The following TOX2 variants were observed in gnomAD, a reference collection of about 807,000 sequenced individuals.
TOX2 encodes granulosa cell HMG box 1.
In TOX2, 15 loss-of-function variants were observed where a neutral mutation model predicts 47.4. That is an observed-to-expected ratio of 0.32 (90% confidence interval 0.21 to 0.49). The LOEUF (loss-of-function observed/expected upper bound fraction) is 0.49. Ranked by LOEUF, TOX2 falls within the 20% of genes least tolerant of loss-of-function variation. The pLI is 0.99. For synonymous variants in TOX2, 290 were observed against 296.6 expected (o/e 0.98, Z 0.23); for missense variants, 622 against 673.1 (o/e 0.92, Z 0.84).
At chr20:44,000,088 AGAT>A (rs2070549321) in intron 2 of TOX2, among the ~76,000 whole-genome samples, 2 of 152,202 alleles carry the variant, frequency 1.3e-5, no homozygotes, top group Admixed American at 6.5e-5. Flanking sequence ...GGGGAATAGG[AGAT>A]GATGACGTCA....
chr20:43,985,245 C>T (rs2070243672), intron 2 of TOX2, among the ~76,000 whole-genome samples: 4 of 152,188 alleles, frequency 2.6e-5, no homozygotes, highest in African/African-American at 9.7e-5. Context: ...GACTTACAGC[C>T]AAGGGCTCAG....
At chr20:44,003,394 G>A (rs1411798403) in intron 2 of TOX2, among the ~76,000 whole-genome samples, 1 of 151,724 alleles carries the variant, frequency 6.6e-6, no homozygotes, top group East Asian at 1.9e-4. Context: ...TCACCATGTT[G>A]CCCAGAGTGG....
chr20:43,960,152 G>T (rs973477819), intron 1 of TOX2, among the ~76,000 whole-genome samples: 1 of 152,228 alleles, frequency 6.6e-6, no homozygotes, highest in Admixed American at 6.5e-5. Context: ...TGCCTGGCTT[G>T]TTGTTAGTGT....
Position 43,916,285 on chromosome 20 carries a change from T to A in TOX2, c.99+1295T>A. 1.0e-6 allele frequency: 1 copy of A among 955,658 alleles called. No homozygotes were observed. The highest frequency in any genetic ancestry group is 1.2e-6 in the Non-Finnish European group (1 of 802,856). The allele number at this position is 955,658 out of a possible 1,614,324, so 59.2% of individuals were successfully genotyped here. A position where few individuals can be genotyped will look rare whatever the true frequency, so the allele number is the denominator to read the frequency against. On this transcript the variant is annotated intron_variant, in intron 1 of 8. Coordinates refer to ENST00000341197, the MANE Select transcript of TOX2 (RefSeq NM_001098797.2). This position sits in a 1 kb window ranked among gnomAD's most constrained non-coding sequence, Gnocchi z 5.0. ...CCTCGCAGGCTTTTCGTCAGGCCCCTGGTAGTGGGGATGAGGCAGGAGAGA... is the reference window on the plus strand; with the variant it reads ...CCTCGCAGGCTTTTCGTCAGGCCCCAGGTAGTGGGGATGAGGCAGGAGAGA...
intron 2 of TOX2, among the ~76,000 whole-genome samples, chr20:43,981,219 C>T (rs939478540): frequency 2.0e-5 from 3 of 152,134 alleles, no homozygotes; most frequent in African/African-American, 7.2e-5. Context: ...TTTCTGTGGG[C>T]AGGGTAAATG....
At chr20:43,970,741 C>T (rs925911753) in intron 1 of TOX2, among the ~76,000 whole-genome samples, 4 of 152,206 alleles carry the variant, frequency 2.6e-5, no homozygotes, top group African/African-American at 9.7e-5. Context: ...ATTTATAGCC[C>T]CATCCCTAAT....
At chr20:44,033,123 G>T (rs544685242) in intron 3 of TOX2, among the ~76,000 whole-genome samples, 1 of 152,318 alleles carries the variant, frequency 6.6e-6, no homozygotes, top group African/African-American at 2.4e-5. Context: ...TTGTCAGCGT[G>T]CAAAGGATCT....
At chr20:43,947,894 G>C (rs1481118266) in intron 1 of TOX2, among the ~76,000 whole-genome samples, 4 of 152,196 alleles carry the variant, frequency 2.6e-5, no homozygotes, top group African/African-American at 9.7e-5. Context: ...AGTCTTGGAA[G>C]GGAGAGAGTG....
At chr20:43,954,047 A>G (rs542723501) in intron 1 of TOX2, among the ~76,000 whole-genome samples, 44 of 152,256 alleles carry the variant, frequency 2.9e-4, no homozygotes, top group Admixed American at 1.3e-3. Flanking sequence ...AAATTAAAGC[A>G]TGTTACTCCC....
At chr20:44,054,212 G>GTGCAGCTCGGCCCAAGTCTGTGT (rs2071577036) in intron 4 of TOX2, 87 bp from the exon 5 acceptor site, 3 of 1,393,246 alleles carry the variant, frequency 2.2e-6, no homozygotes, top group Non-Finnish European at 3.0e-6. Flanking sequence ...GGCTGGAGAA[G>GTGCAGCTCGGCCCAAGTCTGTGT]TGCAGCTCGG....
At chr20:43,984,610 G>A (rs1468777590) in intron 2 of TOX2, among the ~76,000 whole-genome samples, 1 of 152,168 alleles carries the variant, frequency 6.6e-6, no homozygotes, top group African/African-American at 2.4e-5. Context: ...AAATATTTGA[G>A]GGCGCAGGCA....
chr20:43,947,655 T>C (rs772855144), intron 1 of TOX2, among the ~76,000 whole-genome samples: 3 of 152,210 alleles, frequency 2.0e-5, no homozygotes, highest in Non-Finnish European at 2.9e-5. Context: ...CATGGGTTCT[T>C]GACTGGGAGA....
intron 1 of TOX2, among the ~76,000 whole-genome samples, chr20:43,945,352 C>T (rs2069450500): frequency 6.6e-6 from 1 of 152,218 alleles, no homozygotes; most frequent in Non-Finnish European, 1.5e-5. Context: ...ACACCTTCCT[C>T]ATTCCATCAG....
At chr20:44,023,499 T>G (rs2071011209) in intron 3 of TOX2, among the ~76,000 whole-genome samples, 1 of 149,586 alleles carries the variant, frequency 6.7e-6, no homozygotes, top group South Asian at 2.1e-4. Context: ...TAGCAAGGAC[T>G]GGACAGGAAG....
At chr20:43,996,448 G>A (rs1014783535) in intron 2 of TOX2, among the ~76,000 whole-genome samples, 7 of 152,226 alleles carry the variant, frequency 4.6e-5, no homozygotes, top group East Asian at 1.9e-4. Flanking sequence ...CAGGACTCGT[G>A]TGTGTTGGGA....
chr20:43,983,267 G>A (rs1487709076), intron 2 of TOX2, among the ~76,000 whole-genome samples: 1 of 152,154 alleles, frequency 6.6e-6, no homozygotes, highest in East Asian at 1.9e-4. Flanking sequence ...CACCTGGCAT[G>A]CAACAGACAC....
At chr20:43,971,976 G>A (rs1382183738) in intron 1 of TOX2, among the ~76,000 whole-genome samples, 1 of 152,140 alleles carries the variant, frequency 6.6e-6, no homozygotes, top group Non-Finnish European at 1.5e-5. Flanking sequence ...GTTGCTTTTT[G>A]TACTCTTGGA....
At chr20:43,926,131 G>A (rs377656922) in intron 1 of TOX2, among the ~76,000 whole-genome samples, 14 of 152,322 alleles carry the variant, frequency 9.2e-5, no homozygotes, top group Admixed American at 6.5e-4. Context: ...TCAATGCCAC[G>A]CATATATTTT....
At position 43,916,986 on chromosome 20, in the gene TOX2, C is replaced by T. The variant is rs1407515502; in HGVS notation, c.99+1996C>T. ...CGTCAGGGAGGGAATGAGAAGCCGG[C>T]GATTCTGGTTTCTTTCTGTGTGGGA... On this transcript the variant is annotated intron_variant, in intron 1 of 8. Coordinates refer to ENST00000341197, the MANE Select transcript of TOX2 (RefSeq NM_001098797.2). This position sits in a 1 kb window ranked among gnomAD's most constrained non-coding sequence, Gnocchi z 5.0. Among the ~76,000 whole-genome samples, 1 of 151,808 alleles carries T rather than the reference C, an allele frequency of 6.6e-6. No individual in the cohort carries two copies. Among genetic ancestry groups the T allele is most frequent in the Non-Finnish European group, 1.5e-5 (1 of 67,982 alleles).
Sources: gnomAD v4.1 joint callset for allele counts (sites outside exome capture counted in the v4.1 genomes callset) on GRCh38, gnomAD v4.1.1 for gene constraint, Gnocchi (gnomAD v3.1) non-coding constraint, MANE v1.5 for transcripts, NCBI Gene and HGNC (gene_info 2026-07-23, HGNC 2026-07-21) for gene names.